The following UNC5C variants were observed in gnomAD, a reference collection of about 807,000 sequenced individuals.
The protein encoded by UNC5C is netrin receptor UNC5C.
Under a neutral mutation model 99.8 loss-of-function variants are expected in UNC5C, and 47 were observed. The observed-to-expected ratio is 0.47, with a 90% CI of 0.37 to 0.60. UNC5C has a LOEUF of 0.60. Among genes scored for constraint, UNC5C ranks in the 20% least tolerant of loss-of-function variants. The pLI is 0.00. For synonymous variants in UNC5C, 487 were observed against 452.2 expected (o/e 1.08, Z -0.98); for missense variants, 1,062 against 1,165.9 (o/e 0.91, Z 1.30).
chr4:95,222,390 T>G (rs572297321), intron 7 of UNC5C: 1 of 567,104 alleles, frequency 1.8e-6, no homozygotes, highest in African/African-American at 1.9e-5. Flanking sequence ...TTTAAAATTC[T>G]GATTCAGTAT....
intron 3 of UNC5C, among the ~76,000 whole-genome samples, chr4:95,279,060 C>T (rs1740961016): frequency 6.6e-6 from 1 of 152,076 alleles, no homozygotes; most frequent in Non-Finnish European, 1.5e-5. Context: ...ACATATTTTC[C>T]TCTTTTCTCA....
chr4:95,244,305 C>T (rs1023892640), intron 6 of UNC5C, among the ~76,000 whole-genome samples: 3 of 152,038 alleles, frequency 2.0e-5, no homozygotes, highest in Admixed American at 1.3e-4. Context: ...ATATTATCTT[C>T]GATTTACCTA....
At position 95,187,587 on chromosome 4, in the gene UNC5C, G is replaced by A. The variant is rs574980459; in HGVS notation, c.2137-2391C>T. On this transcript the variant is annotated intron_variant, in intron 12 of 15. Transcript: ENST00000453304. ...CAGGAAATCTAACACGGCATTTTGAGTGCAGAGTCTTCATGGGAGTCAGCC... is the reference window on the plus strand; with the variant it reads ...CAGGAAATCTAACACGGCATTTTGAATGCAGAGTCTTCATGGGAGTCAGCC... 2.7e-5 allele frequency among the ~76,000 whole-genome samples: 4 copies of A among 150,346 alleles called. No homozygotes were observed. In the East Asian group the frequency reaches 5.8e-4, roughly 22 times the overall value.
intron 14 of UNC5C, among the ~76,000 whole-genome samples, chr4:95,176,967 G>T (rs1162220508): frequency 7.4e-6 from 1 of 135,740 alleles, no homozygotes; most frequent in Non-Finnish European, 1.7e-5. Context: ...TAAGCCCGTG[G>T]GAAAAGCGCA....
intron 1 of UNC5C, among the ~76,000 whole-genome samples, chr4:95,401,393 G>A (rs569145886): frequency 1.4e-4 from 21 of 152,136 alleles, no homozygotes; most frequent in Middle Eastern, 3.4e-3. Context: ...CCTTGAACTC[G>A]TAGGCTCAAG....
chr4:95,504,540 T>C (rs1458165595), intron 1 of UNC5C, among the ~76,000 whole-genome samples: 1 of 152,134 alleles, frequency 6.6e-6, no homozygotes, highest in East Asian at 1.9e-4. Context: ...ATGATCAAGG[T>C]ACTGAATAAT....
chr4:95,300,499 A>G (rs1174355056), intron 3 of UNC5C, among the ~76,000 whole-genome samples: 1 of 152,232 alleles, frequency 6.6e-6, no homozygotes, highest in Non-Finnish European at 1.5e-5. Context: ...GAATGGTTCC[A>G]AAATAAATAG....
At position 95,242,602 on chromosome 4, in the gene UNC5C, G is replaced by GA. The variant is rs748280321; in HGVS notation, c.944-10dup. 4 of 1,555,224 alleles carry GA rather than the reference G, an allele frequency of 2.6e-6. No homozygotes were observed. Among genetic ancestry groups the GA allele is most frequent in the African/African-American group, 2.7e-5 (2 of 73,076 alleles). On this transcript the variant is annotated splice_polypyrimidine_tract_variant and intron_variant, in intron 6 of 15. Transcript: ENST00000453304. ...CGTCCACCTGCCATCCACTGCCATGGAAAAAATGCAGCAGGAGGTCAGAGG... is the reference window on the plus strand; with the variant it reads ...CGTCCACCTGCCATCCACTGCCATGGAAAAAAATGCAGCAGGAGGTCAGAGG...
At chr4:95,493,356 A>G (rs1024354392) in intron 1 of UNC5C, among the ~76,000 whole-genome samples, 3 of 151,450 alleles carry the variant, frequency 2.0e-5, no homozygotes, top group Non-Finnish European at 4.4e-5. Flanking sequence ...TCCAATTACA[A>G]TGCGGAATTC....
intron 1 of UNC5C, among the ~76,000 whole-genome samples, chr4:95,493,447 A>C (rs1345237124): frequency 2.0e-5 from 3 of 151,324 alleles, no homozygotes; most frequent in Non-Finnish European, 1.5e-5. Flanking sequence ...TATTGTGTAC[A>C]CTCTATTTTT....
chr4:95,389,589 T>A (rs1034888197), intron 1 of UNC5C, among the ~76,000 whole-genome samples: 4 of 152,282 alleles, frequency 2.6e-5, no homozygotes, highest in African/African-American at 9.6e-5. Flanking sequence ...GATTTAAAAT[T>A]TAAATCAATG....
intron 4 of UNC5C, among the ~76,000 whole-genome samples, chr4:95,259,919 C>T (rs143209814): frequency 5.3e-5 from 8 of 152,074 alleles, no homozygotes; most frequent in African/African-American, 1.9e-4. Context: ...GTACTTCAAG[C>T]CAGTCTACTT....
intron 1 of UNC5C, among the ~76,000 whole-genome samples, chr4:95,534,348 G>A (rs1401656511): frequency 6.6e-6 from 1 of 152,088 alleles, no homozygotes; most frequent in Admixed American, 6.6e-5. Context: ...ATTGGGTTAT[G>A]TTCTTCCTAT....
intron 10 of UNC5C, among the ~76,000 whole-genome samples, chr4:95,212,675 C>A (rs1232002248): frequency 6.6e-6 from 1 of 152,122 alleles, no homozygotes; most frequent in Non-Finnish European, 1.5e-5. Flanking sequence ...AGCAGGAATC[C>A]ACATCCCCAC....
intron 1 of UNC5C, among the ~76,000 whole-genome samples, chr4:95,356,658 T>A (rs938030839): frequency 1.3e-5 from 2 of 152,192 alleles, no homozygotes; most frequent in African/African-American, 4.8e-5. Flanking sequence ...TAGGAGTCTG[T>A]GCTTCCACCA....
chr4:95,237,298 TATG>T (rs1311086815), intron 7 of UNC5C, among the ~76,000 whole-genome samples: 1 of 152,190 alleles, frequency 6.6e-6, no homozygotes, highest in Non-Finnish European at 1.5e-5. Context: ...GGTCAAAGGG[TATG>T]ATAACTTTAA....
At chr4:95,203,855 C>T (rs773849378) in intron 11 of UNC5C, among the ~76,000 whole-genome samples, 10 of 152,072 alleles carry the variant, frequency 6.6e-5, no homozygotes, top group African/African-American at 9.7e-5. Flanking sequence ...AAGGTTTAAA[C>T]GGAAAACACT....
At chr4:95,203,039 G>A in intron 11 of UNC5C, 75 bp from the exon 12 acceptor site, 1 of 1,358,412 alleles carries the variant, frequency 7.4e-7, no homozygotes, top group South Asian at 1.2e-5. Flanking sequence ...GTGGTGAATG[G>A]TGAGTAGAGC....
In UNC5C at chr4:95,200,836, C is replaced by T. The variant is rs546659520; in HGVS notation, c.2136+1895G>A. ...ATTCAGTATTCCAAAAGAAAAGGCA[C>T]AGTCACTGTTATGGAGTGATATCTG... On this transcript the variant is annotated intron_variant, in intron 12 of 15. Transcript: ENST00000453304. 2.5e-3 allele frequency among the ~76,000 whole-genome samples: 384 copies of T among 152,182 alleles called. 1 individual carries two copies. The highest frequency in any genetic ancestry group is 0.017 in the Middle Eastern group (5 of 294).
Sources: gnomAD v4.1 joint callset for allele counts (sites outside exome capture counted in the v4.1 genomes callset) on GRCh38, gnomAD v4.1.1 for gene constraint, MANE v1.5 for transcripts, NCBI Gene and HGNC (gene_info 2026-07-23, HGNC 2026-07-21) for gene names.